ARHGAP26: variants seen among roughly 807,000 people sequenced by gnomAD.
ARHGAP26 encodes the protein Rho GTPase activating protein 26.
In ARHGAP26, 38 loss-of-function variants were observed where a neutral mutation model predicts 104.8. The observed-to-expected ratio is 0.36, with a 90% CI of 0.28 to 0.48. The LOEUF is 0.48. Among genes scored for constraint, ARHGAP26 ranks in the 20% least tolerant of loss-of-function variants. The pLI is 0.99. For missense variants in ARHGAP26, 704 were observed against 947.9 expected (o/e 0.74, Z 3.38); for synonymous variants, 341 against 340.0 (o/e 1.00, Z -0.03).
chr5:143,009,014 GCT>G (rs1347869382), intron 11 of ARHGAP26, among the ~76,000 whole-genome samples: 4 of 152,090 alleles, frequency 2.6e-5, no homozygotes, highest in African/African-American at 9.7e-5. Flanking sequence ...TTTCATTGCA[GCT>G]TCTGGGTAAG....
rs1016735634 is a variant in ARHGAP26, at chr5:142,885,369, T to C, written c.456T>C (p.Ser152=). Residue 152 remains serine, a synonymous_variant, in exon 5 of 23, where the codon TCT becomes TCC. Coordinates refer to ENST00000645722, the MANE Select transcript of ARHGAP26 (RefSeq NM_001135608.3). Reference sequence around the variant, plus strand: ...TCTTAGAAAAACACTTGAATTTGTCTTCCAAAAAGAAAGAATCTCAGCTTC... The same window carrying C: ...TCTTAGAAAAACACTTGAATTTGTCCTCCAAAAAGAAAGAATCTCAGCTTC... ...CGILEKHLNL[S]SKKKESQLQE... The C allele has an allele frequency of 6.2e-7, 1 of 1,613,748 alleles. No individual in the cohort carries two copies. The highest frequency in any genetic ancestry group is 8.5e-7 in the Non-Finnish European group (1 of 1,179,742).
intron 13 of ARHGAP26, among the ~76,000 whole-genome samples, chr5:143,040,590 A>G (rs57707373): frequency 0.12 from 18,078 of 152,270 alleles, 1,460 homozygotes; most frequent in South Asian, 0.28. Context: ...AATAACAAAC[A>G]TAATTTCAGA....
At chr5:142,810,414 G>C (rs1444858312) in intron 1 of ARHGAP26, among the ~76,000 whole-genome samples, 1 of 152,026 alleles carries the variant, frequency 6.6e-6, no homozygotes, top group Non-Finnish European at 1.5e-5. Context: ...TCAGCCCCAG[G>C]TCAAGTCCTG....
intron 20 of ARHGAP26, among the ~76,000 whole-genome samples, chr5:143,200,597 C>CAA (rs151051681): frequency 4.0e-5 from 6 of 151,568 alleles, no homozygotes; most frequent in South Asian, 2.1e-4. Flanking sequence ...TATAATTCTC[C>CAA]AAAAAAAAGC....
intron 11 of ARHGAP26, among the ~76,000 whole-genome samples, chr5:143,002,145 C>T (rs1239970810): frequency 2.0e-5 from 3 of 152,092 alleles, no homozygotes; most frequent in Non-Finnish European, 4.4e-5. Context: ...CCGGAACCTC[C>T]TGGAAGAAGG....
chr5:143,107,294 G>A (rs756415971), intron 17 of ARHGAP26, among the ~76,000 whole-genome samples: 1 of 152,154 alleles, frequency 6.6e-6, no homozygotes, highest in Non-Finnish European at 1.5e-5. Flanking sequence ...TATAGGCCAC[G>A]ATGAGGTGTT....
chr5:143,152,661 A>G (rs1355672490), intron 20 of ARHGAP26, among the ~76,000 whole-genome samples: 1 of 152,230 alleles, frequency 6.6e-6, no homozygotes, highest in African/African-American at 2.4e-5. Context: ...TATTTTGGCC[A>G]ATAGAATGTG....
chr5:143,088,405 T>A (rs1257046136), intron 17 of ARHGAP26, among the ~76,000 whole-genome samples: 1 of 152,042 alleles, frequency 6.6e-6, no homozygotes, highest in African/African-American at 2.4e-5. Flanking sequence ...GTTGACAGAA[T>A]GGTTAAATAT....
chr5:143,036,910 C>T lies in ARHGAP26; in HGVS notation c.1145-286C>T, dbSNP rs570605224. Among the ~76,000 whole-genome samples the T allele has an allele frequency of 3.3e-5, 5 of 152,300 alleles. No homozygotes were observed. In the South Asian group the frequency reaches 1.0e-3, roughly 32 times the overall value. ...TCACCTTATGCTGCAGTTTCTTCAC[C>T]TGTAAATTGAAGATAATTTTACAGG... On this transcript the variant is annotated intron_variant, in intron 12 of 22. Transcript: ENST00000645722.
chr5:142,859,949 C>T (rs55634781), intron 1 of ARHGAP26: 6,158 of 152,304 alleles, frequency 0.04, 170 homozygotes, highest in Admixed American at 0.071. Flanking sequence ...AGGTGTAACC[C>T]CTCAGGGCTG....
chr5:143,180,744 C>T (rs1215551752), intron 20 of ARHGAP26, among the ~76,000 whole-genome samples: 4 of 152,160 alleles, frequency 2.6e-5, no homozygotes, highest in South Asian at 2.1e-4. Flanking sequence ...GATCCAGTCT[C>T]CTCCCACCAG....
At chr5:143,186,567 T>C (rs1375881752) in intron 20 of ARHGAP26, among the ~76,000 whole-genome samples, 1 of 152,210 alleles carries the variant, frequency 6.6e-6, no homozygotes, top group African/African-American at 2.4e-5. Flanking sequence ...ACATCTCCTG[T>C]TTTCCTGCCC....
intron 5 of ARHGAP26, among the ~76,000 whole-genome samples, chr5:142,889,702 G>T (rs1208440693): frequency 6.6e-6 from 1 of 152,122 alleles, no homozygotes. Flanking sequence ...GTCAATGAAA[G>T]CCTCTCCTAA....
intron 3 of ARHGAP26, among the ~76,000 whole-genome samples, chr5:142,876,577 A>G (rs1219213812): frequency 7.4e-6 from 1 of 135,956 alleles, no homozygotes; most frequent in African/African-American, 3.1e-5. Context: ...GGAGTTCAAG[A>G]CCAGTCTGGA....
chr5:142,774,433 G>C (rs1755872961), intron 1 of ARHGAP26, among the ~76,000 whole-genome samples: 1 of 149,518 alleles, frequency 6.7e-6, no homozygotes, highest in Admixed American at 6.6e-5. Flanking sequence ...TTTTTTAAGA[G>C]CAGTTTTAGA....
At chr5:142,821,838 T>TTC (rs887047596) in intron 1 of ARHGAP26, among the ~76,000 whole-genome samples, 3 of 152,198 alleles carry the variant, frequency 2.0e-5, no homozygotes, top group Non-Finnish European at 4.4e-5. Flanking sequence ...AGTGTAATAG[T>TTC]TCTCATCTTT....
chr5:143,061,981 T>C (rs1195263806), intron 17 of ARHGAP26, among the ~76,000 whole-genome samples: 1 of 152,208 alleles, frequency 6.6e-6, no homozygotes, highest in Non-Finnish European at 1.5e-5. Context: ...CATGATTATT[T>C]TCCACCCAAC....
rs78565198 is a variant in ARHGAP26, at chr5:142,975,284, G to A, written c.1108-38796G>A. On this transcript the variant is annotated intron_variant, in intron 11 of 22. Transcript: ENST00000645722. ...AAAAGGGGTAGGACTAGAGAACTGC[G>A]TCTACAGTAGTGATTTTCAAATTAT... Among the ~76,000 whole-genome samples, 602 of 152,170 alleles carry A rather than the reference G, an allele frequency of 4.0e-3. 3 individuals carry two copies. The highest frequency in any genetic ancestry group is 0.014 in the African/African-American group (580 of 41,516).
chr5:142,904,112 C>T (rs192339974), intron 8 of ARHGAP26, among the ~76,000 whole-genome samples: 2 of 152,186 alleles, frequency 1.3e-5, no homozygotes, highest in Admixed American at 6.5e-5. Flanking sequence ...ACAATCATGA[C>T]TTAGGCCTTT....
Sources: gnomAD v4.1 joint callset for allele counts (sites outside exome capture counted in the v4.1 genomes callset) on GRCh38, gnomAD v4.1.1 for gene constraint, MANE v1.5 for transcripts, NCBI Gene and HGNC (gene_info 2026-07-23, HGNC 2026-07-21) for gene names.